Variants in VEGFC observed in about 807,000 individuals in gnomAD.
VEGFC encodes the protein FLT4 ligand DHM.
VEGFC carries 12 observed loss-of-function variants against 46.1 expected under a neutral mutation model. That is an observed-to-expected ratio of 0.26 (90% CI 0.17 to 0.42). VEGFC has a LOEUF of 0.42. Ranked by LOEUF, VEGFC falls within the 10% of genes least tolerant of loss-of-function variation. The pLI is 1.00. For synonymous variants in VEGFC, 232 were observed against 195.5 expected (o/e 1.19, Z -1.56); for missense variants, 488 against 529.4 (o/e 0.92, Z 0.77).
At chr4:176,776,919 T>A (rs759163617) in intron 1 of VEGFC, among the ~76,000 whole-genome samples, 24 of 152,226 alleles carry the variant, frequency 1.6e-4, no homozygotes, top group Non-Finnish European at 2.9e-4. Context: ...ATATTTTAAA[T>A]TATAAATAGC....
At position 176,792,883 on chromosome 4, in the gene VEGFC, A is replaced by AGCGGCGGCG. The variant is rs1004741257; in HGVS notation, c.-581_-573dup. Among the ~76,000 whole-genome samples the AGCGGCGGCG allele has an allele frequency of 2.0e-3, 283 of 144,916 alleles. 2 individuals are homozygous for AGCGGCGGCG. The highest frequency in any genetic ancestry group is 7.3e-3 in the Middle Eastern group (2 of 274). On this transcript the variant is annotated 5_prime_UTR_variant, in exon 1 of 7. Coordinates refer to ENST00000618562, the MANE Select transcript of VEGFC (RefSeq NM_005429.5). The surrounding 1 kb of genome is among the most constrained non-coding windows in gnomAD (Gnocchi z 6.3). ...GGATCCTCCAGAGCGCGCCGGGCTG[A>AGCGGCGGCG]GCGGCGGCGGCGGCGGCGGCGGGCG...
intron 3 of VEGFC, among the ~76,000 whole-genome samples, chr4:176,720,548 A>G (rs1183727649): frequency 6.6e-6 from 1 of 152,072 alleles, no homozygotes. Context: ...TCTAGAACCT[A>G]TGGAATAAGA....
At chr4:176,768,410 G>A (rs1735665816) in intron 1 of VEGFC, among the ~76,000 whole-genome samples, 1 of 147,914 alleles carries the variant, frequency 6.8e-6, no homozygotes, top group East Asian at 2.1e-4. Context: ...CACCACTGAG[G>A]TAAAATGAGT....
At chr4:176,790,463 A>C (rs1736071441) in intron 1 of VEGFC, among the ~76,000 whole-genome samples, 1 of 152,162 alleles carries the variant, frequency 6.6e-6, no homozygotes, top group Non-Finnish European at 1.5e-5. Context: ...CAACGAAGAC[A>C]CTTTTGAAAG....
At chr4:176,777,766 A>C (rs773549627) in intron 1 of VEGFC, among the ~76,000 whole-genome samples, 8 of 150,294 alleles carry the variant, frequency 5.3e-5, no homozygotes, top group Non-Finnish European at 1.0e-4. Flanking sequence ...AAAAATACAA[A>C]AACTTAGCTG....
At chr4:176,700,005 T>C (rs1336860696) in intron 4 of VEGFC, among the ~76,000 whole-genome samples, 2 of 152,202 alleles carry the variant, frequency 1.3e-5, no homozygotes, top group Non-Finnish European at 2.9e-5. Context: ...AGTTGGGGTT[T>C]GTTCAGATAT....
chr4:176,779,147 C>T (rs1318429396), intron 1 of VEGFC, among the ~76,000 whole-genome samples: 2 of 152,092 alleles, frequency 1.3e-5, no homozygotes, highest in Non-Finnish European at 2.9e-5. Flanking sequence ...ATAATAACAT[C>T]ATGTATAAAT....
chr4:176,687,171 C>T lies in VEGFC; in HGVS notation c.1145+16G>A. ...TCTAGTAAGATAAATTAATATTCTT[C>T]ATGAGGATCTCTTACCTGCATGTTT... On this transcript the variant is annotated intron_variant, in intron 6 of 6. Transcript: ENST00000618562. The T allele has an allele frequency of 6.3e-7, 1 of 1,596,504 alleles. No individual in the cohort carries two copies. The highest frequency in any genetic ancestry group is 1.1e-5 in the South Asian group (1 of 89,068).
At position 176,687,765 on chromosome 4, in the gene VEGFC, T is replaced by C. The variant is rs893475556; in HGVS notation, c.811+56A>G. 2.4e-6 allele frequency: 3 copies of C among 1,257,644 alleles called. No individual in the cohort carries two copies. The African/African-American group carries it at 4.5e-5, about 19-fold the overall frequency. The allele number at this position is 1,257,644 out of a possible 1,614,324, so 77.9% of individuals were successfully genotyped here. A position where few individuals can be genotyped will look rare whatever the true frequency, so the allele number is the denominator to read the frequency against. On this transcript the variant is annotated intron_variant, in intron 5 of 6. Transcript: ENST00000618562. ...TATGTGTGGTTTTAATATTAGAGTA[T>C]GTTAATCACAATATAGACCCCTGGC...
chr4:176,772,507 G>A (rs543178618), intron 1 of VEGFC, among the ~76,000 whole-genome samples: 1 of 152,274 alleles, frequency 6.6e-6, no homozygotes, highest in Non-Finnish European at 1.5e-5. Flanking sequence ...ACAACCTGGA[G>A]AAAACAAATC....
At chr4:176,720,948 A>T (rs2111008716) in intron 3 of VEGFC, among the ~76,000 whole-genome samples, 1 of 127,686 alleles carries the variant, frequency 7.8e-6, no homozygotes, top group African/African-American at 3.9e-5. Context: ...CTGTGGAAGC[A>T]CATAACAGAA....
intron 4 of VEGFC, among the ~76,000 whole-genome samples, chr4:176,700,850 GAAAAAC>G (rs915031032): frequency 1.3e-4 from 19 of 151,942 alleles, no homozygotes; most frequent in African/African-American, 4.4e-4. Context: ...GTCATTAACA[GAAAAAC>G]AAAAACAAAA....
intron 1 of VEGFC, among the ~76,000 whole-genome samples, chr4:176,774,819 A>G (rs1220475300): frequency 6.7e-6 from 1 of 149,856 alleles, no homozygotes; most frequent in East Asian, 1.9e-4. Context: ...TAATAAAAAA[A>G]AAAAGAATGC....
intron 2 of VEGFC, among the ~76,000 whole-genome samples, chr4:176,728,459 C>T (rs192640727): frequency 2.0e-4 from 31 of 152,220 alleles, no homozygotes; most frequent in Middle Eastern, 3.4e-3. Context: ...CCTTTTCAGG[C>T]GGACTATTTG....
intron 1 of VEGFC, among the ~76,000 whole-genome samples, chr4:176,753,380 C>T (rs1735371559): frequency 6.6e-6 from 1 of 152,050 alleles, no homozygotes; most frequent in African/African-American, 2.4e-5. Flanking sequence ...GAGTCCATGG[C>T]AGCTGGAGTA....
At chr4:176,722,990 G>GA (rs1734814581) in intron 3 of VEGFC, among the ~76,000 whole-genome samples, 1 of 152,078 alleles carries the variant, frequency 6.6e-6, no homozygotes, top group Non-Finnish European at 1.5e-5. Flanking sequence ...AACTCAAATG[G>GA]TTAATAGAAG....
At chr4:176,750,551 T>G in intron 1 of VEGFC, among the ~76,000 whole-genome samples, 1 of 151,808 alleles carries the variant, frequency 6.6e-6, no homozygotes, top group East Asian at 1.9e-4. Context: ...ATTTCAATTA[T>G]AAACCTAACA....
chr4:176,768,683 G>C (rs1278979078), intron 1 of VEGFC, among the ~76,000 whole-genome samples: 1 of 151,474 alleles, frequency 6.6e-6, no homozygotes, highest in Non-Finnish European at 1.5e-5. Context: ...TCCTTTATCT[G>C]GCTATATACC....
chr4:176,752,351 T>C (rs576411304), intron 1 of VEGFC, among the ~76,000 whole-genome samples: 12 of 152,190 alleles, frequency 7.9e-5, no homozygotes, highest in African/African-American at 2.9e-4. Context: ...AGATGACTTT[T>C]ACATAGCTCA....
Sources: gnomAD v4.1 joint callset for allele counts (sites outside exome capture counted in the v4.1 genomes callset) on GRCh38, gnomAD v4.1.1 for gene constraint, Gnocchi (gnomAD v3.1) non-coding constraint, MANE v1.5 for transcripts, NCBI Gene and HGNC (gene_info 2026-07-23, HGNC 2026-07-21) for gene names.